Variants in ACBD3 observed in about 807,000 individuals in gnomAD.
ACBD3 encodes acyl-CoA binding domain containing 3.
ACBD3 carries 30 observed loss-of-function variants against 66.9 expected under a neutral mutation model. The observed-to-expected ratio is 0.45, with a 90% CI of 0.34 to 0.61. ACBD3 has a LOEUF of 0.61. Among genes scored for constraint, ACBD3 ranks in the 20% least tolerant of loss-of-function variants. ACBD3 has a pLI of 0.02. For synonymous variants in ACBD3, 278 were observed against 259.8 expected (o/e 1.07, Z -0.68); for missense variants, 544 against 664.5 (o/e 0.82, Z 1.99).
chr1:226,158,517 C>T (rs75676595), intron 5 of ACBD3, among the ~76,000 whole-genome samples: 56 of 152,234 alleles, frequency 3.7e-4, no homozygotes, highest in Non-Finnish European at 5.0e-4. Flanking sequence ...CCTATTGTTA[C>T]GGACTGAAAG....
intron 4 of ACBD3, 49 bp downstream of exon 4, chr1:226,161,481 AT>A (rs11449796): frequency 1.5e-5 from 24 of 1,601,562 alleles, no homozygotes; most frequent in South Asian, 3.4e-5. Context: ...TTTTTATTCT[AT>A]TTTTTTTCCA....
chr1:226,155,417 C>CAAAAAAAAAAAAAAAAAAAAAAAAAAA (rs66832924), intron 5 of ACBD3, among the ~76,000 whole-genome samples: 1 of 107,846 alleles, frequency 9.3e-6, no homozygotes, highest in Admixed American at 9.6e-5. Flanking sequence ...AACTCCATCT[C>CAAAAAAAAAAAAAAAAAAAAAAAAAAA]AAAAAAAAAA....
intron 5 of ACBD3, 135 bp from the exon 6 acceptor site, chr1:226,154,968 T>A: frequency 1.8e-6 from 1 of 553,700 alleles, no homozygotes. Flanking sequence ...TAAATTTTTA[T>A]CAGTTTTTAT....
At chr1:226,179,544 T>C (rs1656124871) in intron 1 of ACBD3, among the ~76,000 whole-genome samples, 3 of 152,326 alleles carry the variant, frequency 2.0e-5, no homozygotes, top group South Asian at 2.1e-4. Flanking sequence ...TACACTTTGA[T>C]TAAAATCCAT....
At chr1:226,161,761 G>A (rs1053173189) in intron 3 of ACBD3, 72 bp from the exon 4 acceptor site, 5 of 1,479,772 alleles carry the variant, frequency 3.4e-6, no homozygotes, top group Middle Eastern at 1.8e-4. Context: ...AGCTCCCAGG[G>A]AAAACTGACA....
At chr1:226,148,429 C>T (rs1659498847) in intron 7 of ACBD3, among the ~76,000 whole-genome samples, 1 of 152,196 alleles carries the variant, frequency 6.6e-6, no homozygotes, top group African/African-American at 2.4e-5. Flanking sequence ...ATTTACTTAA[C>T]CACAGAAATA....
intron 1 of ACBD3, among the ~76,000 whole-genome samples, chr1:226,172,760 C>T (rs1303522607): frequency 6.6e-6 from 1 of 152,014 alleles, no homozygotes. Flanking sequence ...ACCTGGGCAA[C>T]ACTGCAAGAC....
chr1:226,182,194 G>A (rs902754009), intron 1 of ACBD3, among the ~76,000 whole-genome samples: 3 of 151,224 alleles, frequency 2.0e-5, no homozygotes, highest in African/African-American at 7.3e-5. Flanking sequence ...TCGCACTACT[G>A]CCCTCTAGCC....
intron 1 of ACBD3, among the ~76,000 whole-genome samples, chr1:226,169,129 T>C (rs576336004): frequency 1.6e-4 from 24 of 152,268 alleles, no homozygotes; most frequent in Non-Finnish European, 2.5e-4. Context: ...TCCCAAAGTA[T>C]TGAGATTACA....
At chr1:226,163,302 G>A (rs955214753) in intron 3 of ACBD3, among the ~76,000 whole-genome samples, 4 of 152,072 alleles carry the variant, frequency 2.6e-5, no homozygotes, top group African/African-American at 9.7e-5. Flanking sequence ...AGTAACTTTT[G>A]ACAATGCTTA....
At chr1:226,177,839 T>C (rs575807446) in intron 1 of ACBD3, among the ~76,000 whole-genome samples, 18 of 151,792 alleles carry the variant, frequency 1.2e-4, no homozygotes, top group Admixed American at 2.0e-4. Flanking sequence ...GCCTCCCAGG[T>C]TCATGTGATT....
At chr1:226,148,327 T>C (rs2102772432) in intron 7 of ACBD3, among the ~76,000 whole-genome samples, 1 of 152,328 alleles carries the variant, frequency 6.6e-6, no homozygotes, top group East Asian at 1.9e-4. Flanking sequence ...GTGCTATCTT[T>C]GTAACTTTTC....
At chr1:226,148,830 A>C (rs1169052368) in intron 7 of ACBD3, among the ~76,000 whole-genome samples, 8 of 152,250 alleles carry the variant, frequency 5.3e-5, no homozygotes, top group Non-Finnish European at 1.0e-4. Flanking sequence ...ATATGGACAA[A>C]TACAATTTGT....
At chr1:226,184,596 C>G (rs1656251255) in intron 1 of ACBD3, among the ~76,000 whole-genome samples, 9 of 152,180 alleles carry the variant, frequency 5.9e-5, no homozygotes, top group Admixed American at 5.2e-4. Context: ...ACATATGAAA[C>G]TGATTCTGGA....
At chr1:226,174,290 T>G (rs1488298917) in intron 1 of ACBD3, among the ~76,000 whole-genome samples, 1 of 152,190 alleles carries the variant, frequency 6.6e-6, no homozygotes, top group African/African-American at 2.4e-5. Context: ...ATTACAAAGT[T>G]ATTTAATTCA....
In ACBD3 at chr1:226,168,619, T is replaced by C. The variant is rs565502477; in HGVS notation, c.287-2619A>G. Among the ~76,000 whole-genome samples the C allele has an allele frequency of 1.2e-4, 18 of 152,356 alleles. No homozygotes were observed. In the East Asian group the frequency reaches 2.9e-3, roughly 24 times the overall value. ...TTATAATGGAGCTGAAATTTTCCTA[T>C]GGCCTAGTGGTGTGGTAGCCACCAT... is the stretch of plus-strand genomic sequence containing the variant. On this transcript the variant is annotated intron_variant, in intron 1 of 7. Transcript: ENST00000366812.
chr1:226,186,117 C>T (rs1312605060), intron 1 of ACBD3, among the ~76,000 whole-genome samples: 1 of 152,224 alleles, frequency 6.6e-6, no homozygotes, highest in Non-Finnish European at 1.5e-5. Context: ...CTGGAAATCC[C>T]AGAAGCTAAA....
intron 1 of ACBD3, among the ~76,000 whole-genome samples, chr1:226,185,329 AAAC>A (rs1656270490): frequency 6.6e-6 from 1 of 152,238 alleles, no homozygotes; most frequent in African/African-American, 2.4e-5. Flanking sequence ...TTTTGAGAGA[AAAC>A]AACTTCCGTG....
At chr1:226,182,936 G>A (rs986073689) in intron 1 of ACBD3, among the ~76,000 whole-genome samples, 20 of 152,008 alleles carry the variant, frequency 1.3e-4, no homozygotes, top group African/African-American at 4.8e-4. Flanking sequence ...AAATTTAGAT[G>A]GTAAAATGCT....
Sources: gnomAD v4.1 joint callset for allele counts (sites outside exome capture counted in the v4.1 genomes callset) on GRCh38, gnomAD v4.1.1 for gene constraint, MANE v1.5 for transcripts, NCBI Gene and HGNC (gene_info 2026-07-23, HGNC 2026-07-21) for gene names.